PRDM1: variants seen among roughly 807,000 people sequenced by gnomAD.
PRDM1 encodes the protein PR/SET domain 1, also known as PR domain zinc finger protein 1.
Under a neutral mutation model 62.8 loss-of-function variants are expected in PRDM1, and 13 were observed. That is an observed-to-expected ratio of 0.21 (90% confidence interval 0.13 to 0.33). PRDM1 has a LOEUF of 0.33. PRDM1 is among the 10% of genes least tolerant of loss of function. The pLI is 1.00. For synonymous variants in PRDM1, 396 were observed against 417.6 expected, an observed-to-expected ratio of 0.95 and a Z score of 0.63; for missense variants, 895 against 1,058.8, an observed-to-expected ratio of 0.85 and a Z score of 2.15.
rs1774571648 is a variant in PRDM1 at position 106,108,385 on chromosome 6, T to TATC, written c.*901_*903dup. On this transcript the variant is annotated 3_prime_UTR_variant, in exon 7 of 7. Coordinates refer to ENST00000369096, the MANE Select transcript of PRDM1 (RefSeq NM_001198.4). ...CACATGACTTTTGCATCCATTGTATTATCAGAAAATGTGAAGAAGAAAAAA... is the reference window on the plus strand; with the variant it reads ...CACATGACTTTTGCATCCATTGTATTATCATCAGAAAATGTGAAGAAGAAAAAA... 1 of 233,406 alleles carries TATC rather than the reference T, an allele frequency of 4.3e-6. No homozygotes were observed. The highest frequency in any genetic ancestry group is 2.2e-5 in the African/African-American group (1 of 45,224). 14.5% of individuals were successfully genotyped at this position (233,406 alleles called of 1,614,324 possible).
upstream of PRDM1, among the ~76,000 whole-genome samples, chr6:106,086,166 T>G (rs1057336131): frequency 6.6e-6 from 1 of 152,170 alleles, no homozygotes; most frequent in Non-Finnish European, 1.5e-5. Flanking sequence ...AGATTCCAAG[T>G]CAATGTTGAA....
At chr6:106,012,400 A>G (rs1391096900) in intron 1 of PRDM1, among the ~76,000 whole-genome samples, 1 of 148,358 alleles carries the variant, frequency 6.7e-6, no homozygotes, top group Non-Finnish European at 1.5e-5. Context: ...AAAACATACC[A>G]CATACACACA....
intron 1 of PRDM1, among the ~76,000 whole-genome samples, chr6:106,002,566 A>C (rs1275056554): frequency 1.3e-5 from 2 of 152,216 alleles, no homozygotes; most frequent in African/African-American, 4.8e-5. Context: ...TCTAACTCTT[A>C]AGGTTTTTAA....
At chr6:105,999,864 T>C (rs1772407216) in intron 1 of PRDM1, among the ~76,000 whole-genome samples, 1 of 152,084 alleles carries the variant, frequency 6.6e-6, no homozygotes, top group Non-Finnish European at 1.5e-5. Flanking sequence ...ATGTGTTTCT[T>C]TTTTTTTGAG....
intron 4 of PRDM1, among the ~76,000 whole-genome samples, chr6:106,101,941 C>T (rs990093610): frequency 2.6e-5 from 4 of 152,204 alleles, no homozygotes; most frequent in Non-Finnish European, 4.4e-5. Context: ...AAGTTTGAAA[C>T]CCCTACCCCT....
chr6:105,999,535 G>T (rs1772402984), intron 1 of PRDM1, among the ~76,000 whole-genome samples: 1 of 152,144 alleles, frequency 6.6e-6, no homozygotes, highest in Non-Finnish European at 1.5e-5. Context: ...TGTTGCCACT[G>T]CTGTGTTACT....
intron 1 of PRDM1, among the ~76,000 whole-genome samples, chr6:106,013,806 G>C (rs960500741): frequency 6.6e-6 from 1 of 152,140 alleles, no homozygotes; most frequent in Admixed American, 6.5e-5. Context: ...CCCAGCCTCT[G>C]TTCACTTGCT....
At chr6:106,029,786 TG>T (rs915685973) in intron 1 of PRDM1, among the ~76,000 whole-genome samples, 4 of 151,966 alleles carry the variant, frequency 2.6e-5, no homozygotes, top group African/African-American at 4.8e-5. Context: ...GGTTTTTTTT[TG>T]TTTGTATCTT....
chr6:106,030,619 A>G (rs982271223), intron 1 of PRDM1, among the ~76,000 whole-genome samples: 1 of 152,170 alleles, frequency 6.6e-6, no homozygotes, highest in African/African-American at 2.4e-5. Context: ...CCAAGGTTGT[A>G]AATATATTTT....
intron 1 of PRDM1, among the ~76,000 whole-genome samples, chr6:106,033,559 TCCCACCTAGGCCTCCCAAAGTGCTGAGA>T: frequency 6.6e-6 from 1 of 152,160 alleles, no homozygotes; most frequent in African/African-American, 2.4e-5. Flanking sequence ...CAAGCAATCC[TCCCACCTAGGCCTCCCAAAGTGCTGAGA>T]TTACAAGCAT....
At chr6:106,044,987 G>A (rs1773051130), upstream of PRDM1, among the ~76,000 whole-genome samples, 1 of 152,212 alleles carries the variant, frequency 6.6e-6, no homozygotes, top group South Asian at 2.1e-4. Context: ...CTTGAGCCCA[G>A]GAGTTCAAGG....
chr6:106,042,278 T>C (rs1773007574), intron 1 of PRDM1, among the ~76,000 whole-genome samples: 1 of 151,110 alleles, frequency 6.6e-6, no homozygotes. Flanking sequence ...CCCAGCACTT[T>C]GGGAGGTCGA....
intron 4 of PRDM1, among the ~76,000 whole-genome samples, chr6:106,102,449 A>T (rs1774299946): frequency 6.6e-6 from 1 of 152,214 alleles, no homozygotes. Context: ...TTAGAATAAG[A>T]TGCAAATCTA....
chr6:106,054,812 C>T (rs1469602056), intron 1 of PRDM1, among the ~76,000 whole-genome samples: 1 of 152,062 alleles, frequency 6.6e-6, no homozygotes, highest in Non-Finnish European at 1.5e-5. Flanking sequence ...TTTTTCTATG[C>T]CATAAAAGGT....
upstream of PRDM1, among the ~76,000 whole-genome samples, chr6:106,083,315 G>A (rs1773726377): frequency 6.6e-6 from 1 of 152,058 alleles, no homozygotes; most frequent in Admixed American, 6.5e-5. Flanking sequence ...GGGTATGGCA[G>A]GAGTTGAATG....
intron 1 of PRDM1, among the ~76,000 whole-genome samples, chr6:106,004,224 TG>T (rs1217278514): frequency 2.0e-5 from 3 of 151,770 alleles, no homozygotes; most frequent in Non-Finnish European, 2.9e-5. Context: ...AGAAAGCTGC[TG>T]GGGGGAACTT....
Position 106,106,055 on chromosome 6 carries a change from G to T in PRDM1, c.1773+122G>T. The stretch of plus-strand genomic sequence containing the variant: ...GTATGAGCCCCCGGTTGGGGATAGT[G>T]GGTATGGATTCCGCCTGGCTTTTGC... On this transcript the variant is annotated intron_variant, in intron 5 of 6. Coordinates refer to ENST00000369096, the MANE Select transcript of PRDM1 (RefSeq NM_001198.4). The surrounding 1 kb of genome is among the most constrained non-coding windows in gnomAD (Gnocchi z 4.4). 1 of 1,406,908 alleles carries T rather than the reference G, an allele frequency of 7.1e-7. No individual in the cohort carries two copies. 87.2% of individuals were successfully genotyped at this position (1,406,908 alleles called of 1,614,324 possible). A position where few individuals can be genotyped will look rare whatever the true frequency, so the allele number is the denominator to read the frequency against.
At chr6:106,055,155 A>T (rs746119153) in intron 1 of PRDM1, among the ~76,000 whole-genome samples, 1 of 152,222 alleles carries the variant, frequency 6.6e-6, no homozygotes, top group Non-Finnish European at 1.5e-5. Context: ...GACTAGTTAA[A>T]AATCACTGCT....
chr6:106,065,962 A>G (rs1167514969), intron 1 of PRDM1, among the ~76,000 whole-genome samples: 4 of 152,212 alleles, frequency 2.6e-5, no homozygotes, highest in Admixed American at 1.3e-4. Context: ...ATTTAAGTCT[A>G]TTGTATTAAT....
Sources: gnomAD v4.1 joint callset for allele counts (sites outside exome capture counted in the v4.1 genomes callset) on GRCh38, gnomAD v4.1.1 for gene constraint, Gnocchi (gnomAD v3.1) non-coding constraint, MANE v1.5 for transcripts, NCBI Gene and HGNC (gene_info 2026-07-23, HGNC 2026-07-21) for gene names.